CMIP: variants seen among roughly 807,000 people sequenced by gnomAD.
CMIP encodes the protein c-Maf inducing protein.
CMIP carries 13 observed loss-of-function variants against 97.3 expected under a neutral mutation model. That is an observed-to-expected ratio of 0.13 (90% CI 0.09 to 0.21). CMIP has a LOEUF of 0.21. Ranked by LOEUF, CMIP falls within the 10% of genes least tolerant of loss-of-function variation. The pLI is 1.00. For missense variants in CMIP, 847 were observed against 1,024.9 expected (o/e 0.83, Z 2.37); for synonymous variants, 538 against 436.3 (o/e 1.23, Z -2.91).
rs768758254 is a variant in CMIP at position 81,699,847 on chromosome 16, C to T, written c.1755+46C>T. The T allele has an allele frequency of 1.0e-5, 14 of 1,333,972 alleles. No individual in the cohort carries two copies. In the African/African-American group the frequency reaches 2.0e-4, roughly 19 times the overall value. The allele number at this position is 1,333,972 out of a possible 1,614,324, so 82.6% of individuals were successfully genotyped here. A position where few individuals can be genotyped will look rare whatever the true frequency, so the allele number is the denominator to read the frequency against. On this transcript the variant is annotated intron_variant, in intron 15 of 20. Coordinates refer to ENST00000537098, the MANE Select transcript of CMIP (RefSeq NM_198390.3). ...CCTGGTGGGGTGGCTGGCTCCCCGT[C>T]CCTTGTCCGTGCCGATAGAGCATCT...
At chr16:81,492,794 G>C (rs995113927) in intron 1 of CMIP, among the ~76,000 whole-genome samples, 6 of 152,144 alleles carry the variant, frequency 3.9e-5, no homozygotes, top group Admixed American at 3.3e-4. Context: ...TGGAAGAGGA[G>C]GGGAGGCGGA....
intron 10 of CMIP, among the ~76,000 whole-genome samples, chr16:81,687,820 G>A (rs915679156): frequency 6.6e-6 from 1 of 152,146 alleles, no homozygotes; most frequent in Non-Finnish European, 1.5e-5. Flanking sequence ...GTAGGTGGTC[G>A]GGAAGCAGCC....
intron 10 of CMIP, among the ~76,000 whole-genome samples, chr16:81,680,485 T>G (rs1299587783): frequency 6.6e-6 from 1 of 152,178 alleles, no homozygotes; most frequent in African/African-American, 2.4e-5. Flanking sequence ...CGTCCCCACA[T>G]AGCCTCCTCT....
chr16:81,605,473 G>T (rs2091727356), intron 1 of CMIP, among the ~76,000 whole-genome samples: 1 of 152,226 alleles, frequency 6.6e-6, no homozygotes, highest in African/African-American at 2.4e-5. Flanking sequence ...TGTTTTCTAT[G>T]CAGCAATCCC....
intron 1 of CMIP, among the ~76,000 whole-genome samples, chr16:81,596,197 C>G (rs1163858924): frequency 6.6e-6 from 1 of 152,130 alleles, no homozygotes; most frequent in Non-Finnish European, 1.5e-5. Flanking sequence ...TCTAGAAAAT[C>G]TGATTTATTT....
chr16:81,598,633 A>T (rs991138572), intron 1 of CMIP, among the ~76,000 whole-genome samples: 12 of 152,186 alleles, frequency 7.9e-5, no homozygotes, highest in African/African-American at 2.9e-4. Flanking sequence ...CATGGTTCTA[A>T]CAGACTGCAT....
At chr16:81,596,155 C>G (rs2091552036) in intron 1 of CMIP, among the ~76,000 whole-genome samples, 1 of 152,098 alleles carries the variant, frequency 6.6e-6, no homozygotes, top group Non-Finnish European at 1.5e-5. Context: ...AAGCGACTTG[C>G]CTAAGGCCAA....
chr16:81,642,477 A>G (rs1010505694), intron 3 of CMIP, among the ~76,000 whole-genome samples: 1 of 152,190 alleles, frequency 6.6e-6, no homozygotes. Flanking sequence ...GGGGTCCCCT[A>G]AAAGACCCCT....
At chr16:81,660,802 C>T (rs756925785) in intron 5 of CMIP, 82 bp from the exon 6 acceptor site, 2 of 1,467,402 alleles carry the variant, frequency 1.4e-6, no homozygotes, top group Non-Finnish European at 9.5e-7. Flanking sequence ...TTTTTCACTT[C>T]ACAATATGGC....
intron 1 of CMIP, among the ~76,000 whole-genome samples, chr16:81,482,778 A>G (rs2966084): frequency 0.77 from 117,593 of 152,214 alleles, 45,987 homozygotes; most frequent in African/African-American, 0.89. Context: ...TTTGAATCCA[A>G]ACTCCACCAC....
At chr16:81,647,289 C>G (rs2092374542) in intron 3 of CMIP, among the ~76,000 whole-genome samples, 1 of 152,214 alleles carries the variant, frequency 6.6e-6, no homozygotes, top group Non-Finnish European at 1.5e-5. Flanking sequence ...CTGTTTTCTA[C>G]AAAGGGCCAG....
intron 3 of CMIP, among the ~76,000 whole-genome samples, chr16:81,643,439 ATAG>A (rs2092329300): frequency 6.6e-6 from 1 of 152,350 alleles, no homozygotes; most frequent in Non-Finnish European, 1.5e-5. Flanking sequence ...AGTGTTGGAA[ATAG>A]TGGTGGTGGT....
intron 1 of CMIP, among the ~76,000 whole-genome samples, chr16:81,511,073 C>T (rs1248181043): frequency 6.6e-6 from 1 of 152,090 alleles, no homozygotes; most frequent in Non-Finnish European, 1.5e-5. Flanking sequence ...GTAAAATGAA[C>T]CCCCATGTAC....
intron 1 of CMIP, among the ~76,000 whole-genome samples, chr16:81,562,732 G>A (rs1011547637): frequency 3.0e-4 from 45 of 152,382 alleles, no homozygotes; most frequent in African/African-American, 9.6e-4. Flanking sequence ...AGCCAGCACC[G>A]AAGGGCTCCA....
At chr16:81,527,900 G>A (rs1246398932) in intron 1 of CMIP, among the ~76,000 whole-genome samples, 3 of 152,190 alleles carry the variant, frequency 2.0e-5, no homozygotes, top group African/African-American at 7.2e-5. Flanking sequence ...TCTTGCGTAT[G>A]CCTTTTTGGG....
intron 1 of CMIP, chr16:81,520,637 A>G (rs146825550): frequency 4.6e-5 from 7 of 151,522 alleles, no homozygotes; most frequent in Admixed American, 3.3e-4. Flanking sequence ...GAAAATCAAG[A>G]TGAGCTGTGA....
At chr16:81,570,629 G>A (rs531639780) in intron 1 of CMIP, among the ~76,000 whole-genome samples, 1 of 152,290 alleles carries the variant, frequency 6.6e-6, no homozygotes, top group South Asian at 2.1e-4. Context: ...GCAGGTCCCT[G>A]GGAGGAGAAC....
chr16:81,678,582 C>A lies in CMIP; in HGVS notation c.1342C>A (p.Gln448Lys), dbSNP rs1356562540. The A allele has an allele frequency of 1.2e-6, 2 of 1,605,058 alleles. No homozygotes were observed. The highest frequency in any genetic ancestry group is 8.5e-7 in the Non-Finnish European group (1 of 1,176,082). ...CACCATGAGCATCGAGCTGGGCCCC[C>A]AGGCCGACCGCACGCTCGGCTGCTA... The part of the protein sequence containing the change: ...CSTMSIELGP[Q>K]ADRTLGCYVE... The change falls in exon 10 of 21, where the codon CAG (glutamine) becomes AAG (lysine). Residue 448 changes from glutamine (Q) to lysine (K), a missense_variant. This residue lies in a region of CMIP where 202 missense variants were observed against 168.7 expected (regional missense o/e 1.20). Coordinates refer to ENST00000537098, the MANE Select transcript of CMIP (RefSeq NM_198390.3).
At chr16:81,691,715 A>G (rs1339497012) in intron 10 of CMIP, 60 bp from the exon 11 acceptor site, 1 of 1,473,264 alleles carries the variant, frequency 6.8e-7, no homozygotes, top group African/African-American at 1.4e-5. Context: ...GGGACCAAAA[A>G]CAGTGCCATA....
Sources: gnomAD v4.1 joint callset for allele counts (sites outside exome capture counted in the v4.1 genomes callset) on GRCh38, gnomAD v4.1.1 for gene constraint, gnomAD v4.1.1 regional missense constraint, MANE v1.5 for transcripts, NCBI Gene and HGNC (gene_info 2026-07-23, HGNC 2026-07-21) for gene names.